ACVR1C: variants seen among roughly 807,000 people sequenced by gnomAD.
The protein encoded by ACVR1C is activin receptor type-1C.
ACVR1C carries 23 observed loss-of-function variants against 57.9 expected under a neutral mutation model. The ratio of observed to expected loss-of-function variants is 0.40; its 90% CI spans 0.29 to 0.56. ACVR1C has a LOEUF of 0.56. ACVR1C is among the 20% of genes least tolerant of loss of function. The pLI, the probability that ACVR1C is intolerant of heterozygous loss-of-function variation, is 0.50. For synonymous variants in ACVR1C, 214 were observed against 215.3 expected (o/e 0.99, Z 0.05); for missense variants, 480 against 607.9 (o/e 0.79, Z 2.21).
At chr2:157,540,877 C>T (rs1687609953) in intron 7 of ACVR1C, among the ~76,000 whole-genome samples, 1 of 152,208 alleles carries the variant, frequency 6.6e-6, no homozygotes, top group African/African-American at 2.4e-5. Context: ...ATCAGGGGAA[C>T]TGTCACCCCA....
In ACVR1C at chr2:157,579,277, C is replaced by T. The variant is rs1033807385; in HGVS notation, c.304+7910G>A. ...AAAGCATGTGTTAACTCTTCTTTCA[C>T]TTTCCTCTATTTGTCATCCTCTCTT... On this transcript the variant is annotated intron_variant, in intron 2 of 8. Coordinates refer to ENST00000243349, the MANE Select transcript of ACVR1C (RefSeq NM_145259.3). Among the ~76,000 whole-genome samples, 7 of 152,282 alleles carry T rather than the reference C, an allele frequency of 4.6e-5. No homozygotes were observed. In the East Asian group the frequency reaches 1.3e-3, roughly 29 times the overall value.
At chr2:157,554,837 G>C (rs1013268208) in intron 3 of ACVR1C, among the ~76,000 whole-genome samples, 1 of 151,846 alleles carries the variant, frequency 6.6e-6, no homozygotes, top group Non-Finnish European at 1.5e-5. Flanking sequence ...AGATGCAGGG[G>C]CCTCTGAAGT....
intron 2 of ACVR1C, among the ~76,000 whole-genome samples, chr2:157,568,028 C>A (rs556534124): frequency 6.7e-6 from 1 of 149,802 alleles, no homozygotes; most frequent in African/African-American, 2.4e-5. Flanking sequence ...TCGGCAGAAA[C>A]CCTACAAGCC....
rs971098096 is a variant in ACVR1C at position 157,554,666 on chromosome 2, A to G, written c.544+1427T>C. On this transcript the variant is annotated intron_variant, in intron 3 of 8. Coordinates refer to ENST00000243349, the MANE Select transcript of ACVR1C (RefSeq NM_145259.3). Reference sequence around the variant, plus strand: ...ATGCTTTTCTTTTCTGATGAATCCAAAGCAGCTTCATGCTAAATATGGATG... The same window carrying G: ...ATGCTTTTCTTTTCTGATGAATCCAGAGCAGCTTCATGCTAAATATGGATG... Among the ~76,000 whole-genome samples, 17 of 152,246 alleles carry G rather than the reference A, an allele frequency of 1.1e-4. No homozygotes were observed. The East Asian group carries it at 3.3e-3, about 29-fold the overall frequency.
chr2:157,621,922 T>C (rs138216910), intron 1 of ACVR1C, among the ~76,000 whole-genome samples: 1,579 of 152,264 alleles, frequency 0.01, 17 homozygotes, highest in Middle Eastern at 0.024. Flanking sequence ...AAGTTTGCCA[T>C]GCTACTGGGG....
At chr2:157,550,033 GGA>G in intron 4 of ACVR1C, 127 bp downstream of exon 4, 5 of 779,070 alleles carry the variant, frequency 6.4e-6, no homozygotes, top group African/African-American at 5.8e-5. Context: ...AAAAGGAAAA[GGA>G]AAAAAAAAAA....
intron 2 of ACVR1C, among the ~76,000 whole-genome samples, chr2:157,579,701 T>C (rs1251964304): frequency 6.6e-6 from 1 of 152,220 alleles, no homozygotes; most frequent in African/African-American, 2.4e-5. Flanking sequence ...AGTACTGAAA[T>C]ATGGAAGTAG....
intron 3 of ACVR1C, among the ~76,000 whole-genome samples, chr2:157,551,811 C>T (rs1169572576): frequency 2.6e-5 from 4 of 152,152 alleles, no homozygotes; most frequent in Non-Finnish European, 4.4e-5. Context: ...GGTCCCTGCA[C>T]CTAAAACTAG....
intron 1 of ACVR1C, among the ~76,000 whole-genome samples, chr2:157,624,456 A>T (rs1682855608): frequency 6.6e-6 from 1 of 152,256 alleles, no homozygotes; most frequent in East Asian, 1.9e-4. Flanking sequence ...TTCAAAAGGA[A>T]ACTACTCCAA....
chr2:157,541,265 A>T (rs1193239937), intron 6 of ACVR1C, 51 bp from the exon 7 acceptor site: 1 of 1,553,354 alleles, frequency 6.4e-7, no homozygotes, highest in Non-Finnish European at 8.7e-7. Context: ...ATAGCAGTCC[A>T]GTAAAACAAT....
At chr2:157,604,807 A>G (rs184227484) in intron 1 of ACVR1C, among the ~76,000 whole-genome samples, 1 of 151,814 alleles carries the variant, frequency 6.6e-6, no homozygotes, top group Non-Finnish European at 1.5e-5. Flanking sequence ...GCTTTATAAG[A>G]TATGTGTTTT....
At chr2:157,588,260 CACACACAA>C (rs1362446718) in intron 1 of ACVR1C, among the ~76,000 whole-genome samples, 3 of 151,716 alleles carry the variant, frequency 2.0e-5, no homozygotes, top group Admixed American at 6.6e-5. Flanking sequence ...CACACACACA[CACACACAA>C]ACACATTCAC....
Position 157,587,225 on chromosome 2 carries a change from G to A in ACVR1C, c.266C>T (p.Thr89Ile). 6.2e-7 allele frequency: 1 copy of A among 1,613,620 alleles called. No individual in the cohort carries two copies. The highest frequency in any genetic ancestry group is 8.5e-7 in the Non-Finnish European group (1 of 1,179,598). The change falls in exon 2 of 9, where the codon ACA (threonine) becomes ATA (isoleucine). Residue 89 changes from threonine (T) to isoleucine (I), a missense_variant. Coordinates refer to ENST00000243349, the MANE Select transcript of ACVR1C (RefSeq NM_145259.3). The part of the protein sequence containing the change: ...NNVTKTECCF[T>I]DFCNNITLHL... ...CAGTGTTATGTTGTTGCAAAAATCTGTGAAGCAGCATTCGGTTTTGGTAAC... is the reference window on the plus strand; with the variant it reads ...CAGTGTTATGTTGTTGCAAAAATCTATGAAGCAGCATTCGGTTTTGGTAAC...
chr2:157,578,177 T>C (rs1265014440), intron 2 of ACVR1C, among the ~76,000 whole-genome samples: 1 of 152,232 alleles, frequency 6.6e-6, no homozygotes, highest in Admixed American at 6.5e-5. Context: ...AGCATCGGGA[T>C]TGCAGGCTTG....
At chr2:157,604,042 T>C (rs1682338424) in intron 1 of ACVR1C, among the ~76,000 whole-genome samples, 1 of 152,114 alleles carries the variant, frequency 6.6e-6, no homozygotes, top group Non-Finnish European at 1.5e-5. Flanking sequence ...GTTAGGACAT[T>C]AATTCTAAAA....
At chr2:157,580,857 A>C (rs1334751397) in intron 2 of ACVR1C, among the ~76,000 whole-genome samples, 2 of 152,208 alleles carry the variant, frequency 1.3e-5, no homozygotes, top group Admixed American at 1.3e-4. Flanking sequence ...TAAGAATGGC[A>C]CTGCCATGAA....
chr2:157,529,226 T>C lies in ACVR1C; in HGVS notation c.*4692A>G, dbSNP rs1169730365. ...GTCAGGAAGCTTCTCTAATCATTAC[T>C]TGCACTAAGAAATTCTATACTCTCA... On this transcript the variant is annotated 3_prime_UTR_variant, in exon 9 of 9. Coordinates refer to ENST00000243349, the MANE Select transcript of ACVR1C (RefSeq NM_145259.3). The C allele has an allele frequency of 6.6e-6, 1 of 152,098 alleles. No homozygotes were observed. The highest frequency in any genetic ancestry group is 1.5e-5 in the Non-Finnish European group (1 of 68,004). The allele number at this position is 152,098 out of a possible 1,614,324, so 9.4% of individuals were successfully genotyped here.
chr2:157,598,553 T>G (rs1665428084), intron 1 of ACVR1C, among the ~76,000 whole-genome samples: 1 of 151,242 alleles, frequency 6.6e-6, no homozygotes, highest in Admixed American at 6.6e-5. Context: ...TTTTTTTTTT[T>G]TTTTGAGATG....
At chr2:157,588,977 T>C (rs1688999221) in intron 1 of ACVR1C, among the ~76,000 whole-genome samples, 1 of 150,940 alleles carries the variant, frequency 6.6e-6, no homozygotes, top group East Asian at 1.9e-4. Context: ...GGCACTTAAA[T>C]TGATGCCATA....
Sources: allele counts gnomAD v4.1 joint callset (sites outside exome capture counted in the v4.1 genomes callset), GRCh38; gene constraint gnomAD v4.1.1; transcripts MANE v1.5; gene names NCBI Gene and HGNC (gene_info 2026-07-23, HGNC 2026-07-21).